Variants in ADAMTSL2 observed in about 807,000 individuals in gnomAD.
The protein encoded by ADAMTSL2 is ADAMTS-like protein 2.
A neutral mutation model predicts 117.0 loss-of-function variants in ADAMTSL2; 55 were observed. That is an observed-to-expected ratio of 0.47 (90% CI 0.38 to 0.59). The LOEUF (loss-of-function observed/expected upper bound fraction) is 0.59, where lower values mean the gene tolerates loss of function less well. Ranked by LOEUF, ADAMTSL2 falls within the 20% of genes least tolerant of loss-of-function variation. The pLI is 0.00. For synonymous variants in ADAMTSL2, 572 were observed against 566.4 expected (o/e 1.01, Z -0.14); for missense variants, 1,182 against 1,354.5 (o/e 0.87, Z 2.00).
At position 133,563,068 on chromosome 9, in the gene ADAMTSL2, G is replaced by T. The variant is rs369391681; in HGVS notation, c.1747+1773G>T. On this transcript the variant is annotated intron_variant, in intron 12 of 18. Coordinates refer to ENST00000651351, the MANE Select transcript of ADAMTSL2 (RefSeq NM_014694.4). Reference sequence around the variant, plus strand: ...TGGTTGACCACACCATGGGCCCTGGGCAAATTGCCAAAGCCTTCCGAGCCA... The same window carrying T: ...TGGTTGACCACACCATGGGCCCTGGTCAAATTGCCAAAGCCTTCCGAGCCA... Among the ~76,000 whole-genome samples the T allele has an allele frequency of 9.6e-3, 1,469 of 152,350 alleles. 27 individuals are homozygous for T. Among genetic ancestry groups the T allele is most frequent in the African/African-American group, 0.033 (1,390 of 41,570 alleles).
Position 133,568,656 on chromosome 9 carries a change from G to T in ADAMTSL2, c.2142G>T (p.Ser714=). ...RSVVTRDIRC[S]EDEKLCDPNT... The stretch of plus-strand genomic sequence containing the variant: ...TGGTGACCAGGGACATCCGCTGCTC[G>T]GAGGATGAGAAGCTGTGTGACCCCA... Residue 714 remains serine, a synonymous_variant, in exon 15 of 19, where the codon TCG becomes TCT. Coordinates refer to ENST00000651351, the MANE Select transcript of ADAMTSL2 (RefSeq NM_014694.4). The T allele has an allele frequency of 6.2e-7, 1 of 1,613,308 alleles. No individual in the cohort carries two copies. The highest frequency in any genetic ancestry group is 8.5e-7 in the Non-Finnish European group (1 of 1,179,944).
intron 9 of ADAMTSL2, among the ~76,000 whole-genome samples, chr9:133,547,875 G>A (rs141366395): frequency 1.3e-5 from 2 of 152,350 alleles, no homozygotes; most frequent in Non-Finnish European, 2.9e-5. Flanking sequence ...GGGAGCGTGG[G>A]CCTGTTATGC....
chr9:133,534,491 A>C, upstream of ADAMTSL2: 8 of 393,162 alleles, frequency 2.0e-5, no homozygotes, highest in Middle Eastern at 6.7e-4. Context: ...GGACCCGGGA[A>C]GAAGGCCTCC....
rs376878612 is a variant in ADAMTSL2, at chr9:133,569,747, G to A, written c.2415+169G>A. On this transcript the variant is annotated intron_variant, in intron 16 of 18. Coordinates refer to ENST00000651351, the MANE Select transcript of ADAMTSL2 (RefSeq NM_014694.4). ...ATTTAGAATACAAAAGGCTTAAAAG[G>A]TAGGAAAACACCTTACAAGTCCCCA... Among the ~76,000 whole-genome samples, 63 of 152,358 alleles carry A rather than the reference G, an allele frequency of 4.1e-4. No individual in the cohort carries two copies. The East Asian group carries it at 0.011, about 28-fold the overall frequency.
At chr9:133,539,560 G>C (rs1035539780) in intron 4 of ADAMTSL2, among the ~76,000 whole-genome samples, 1 of 122,554 alleles carries the variant, frequency 8.2e-6, no homozygotes, top group Non-Finnish European at 1.8e-5. Flanking sequence ...CGTGGGGGGC[G>C]GAGCTGCCCT....
rs1830659861 is a variant in ADAMTSL2 at position 133,558,591 on chromosome 9, A to C, written c.1650-2607A>C. On this transcript the variant is annotated intron_variant, in intron 11 of 18. Transcript: ENST00000651351. This position sits in a 1 kb window ranked among gnomAD's most constrained non-coding sequence, Gnocchi z 4.3. ...GTTTATAAACAAACACGGTGGCTTC[A>C]GAGCTTCTCCTGCCTGGGGAGCCCG... 6.6e-6 allele frequency among the ~76,000 whole-genome samples: 1 copy of C among 152,208 alleles called. No homozygotes were observed. The highest frequency in any genetic ancestry group is 2.4e-5 in the African/African-American group (1 of 41,454).
Position 133,554,576 on chromosome 9 carries a change from G to C in ADAMTSL2, c.1159G>C (p.Gly387Arg), listed in dbSNP as rs751807903. The change falls in exon 10 of 19, where the codon GGC becomes CGC. Residue 387 changes from glycine (G) to arginine (R), a missense_variant. Gly to Arg is a moderately radical substitution (Grantham distance 125). This residue lies in a region of ADAMTSL2 where 345 missense variants were observed against 325.8 expected (regional missense o/e 1.06). Transcript: ENST00000651351. The surrounding 1 kb of genome is among the most constrained non-coding windows in gnomAD (Gnocchi z 5.2). ...ERLGLDNRLF[G>R]HPGLDMELGP... is the part of the protein sequence containing the mutation. ...GCTGGGCCTGGACAACCGGCTGTTC[G>C]GCCACCCGGGCCTGGACATGGAGCT... 3.2e-6 allele frequency: 5 copies of C among 1,546,318 alleles called. No homozygotes were observed. Among genetic ancestry groups the C allele is most frequent in the South Asian group, 1.2e-5 (1 of 84,062 alleles).
chr9:133,537,684 C>T, intron 3 of ADAMTSL2, 137 bp downstream of exon 3: 3 of 1,017,566 alleles, frequency 2.9e-6, no homozygotes, highest in Non-Finnish European at 2.5e-6. Flanking sequence ...AGGCTGAGTC[C>T]CCCCATCAGC....
At chr9:133,555,167 C>T (rs1032833090) in intron 10 of ADAMTSL2, among the ~76,000 whole-genome samples, 6 of 152,076 alleles carry the variant, frequency 3.9e-5, no homozygotes, top group African/African-American at 1.2e-4. Context: ...TCCTCTGTGC[C>T]GGTGTCTCTG....
At chr9:133,536,943 C>A (rs975757675) in intron 2 of ADAMTSL2, 141 bp downstream of exon 2, 3 of 1,398,702 alleles carry the variant, frequency 2.1e-6, no homozygotes, top group African/African-American at 1.4e-5. Flanking sequence ...CTAGAAACTT[C>A]TGCCCAGAGC....
Position 133,570,584 on chromosome 9 carries a change from C to A in ADAMTSL2, c.2592+77C>A, listed in dbSNP as rs113563197. On this transcript the variant is annotated intron_variant, in intron 17 of 18. Transcript: ENST00000651351. The stretch of plus-strand genomic sequence containing the variant: ...CGATCCCGCCCCTCCCGCCTCAAGC[C>A]TCCTTAAGTGCTTCCTGCTCCTCCC... 6.7e-6 allele frequency: 10 copies of A among 1,485,906 alleles called. No individual in the cohort carries two copies. In the African/African-American group the frequency reaches 9.7e-5, roughly 14 times the overall value. 92.0% of individuals were successfully genotyped at this position (1,485,906 alleles called of 1,614,324 possible).
intron 9 of ADAMTSL2, among the ~76,000 whole-genome samples, chr9:133,548,028 C>G (rs1313076596): frequency 7.9e-5 from 12 of 152,398 alleles, no homozygotes; most frequent in Admixed American, 6.5e-4. Flanking sequence ...TGGTGCCCGT[C>G]AAGGCCTGCT....
intron 5 of ADAMTSL2, among the ~76,000 whole-genome samples, 178 bp downstream of exon 5, chr9:133,540,051 C>T (rs1298340916): frequency 2.0e-5 from 3 of 152,178 alleles, no homozygotes; most frequent in South Asian, 4.1e-4. Flanking sequence ...TGTCCCCTCC[C>T]CCATGACCCA....
chr9:133,564,663 A>G (rs1320754320), intron 12 of ADAMTSL2, among the ~76,000 whole-genome samples: 3 of 124,818 alleles, frequency 2.4e-5, no homozygotes, highest in Non-Finnish European at 3.4e-5. Context: ...AGAGGGAGAG[A>G]GAGAGGGAGA....
At position 133,537,554 on chromosome 9, in the gene ADAMTSL2, G is replaced by A. The variant is rs1309971373; in HGVS notation, c.233+7G>A. On this transcript the variant is annotated splice_region_variant and intron_variant, in intron 3 of 18. Transcript: ENST00000651351. ...GGCACTGCCTGCAGCAGAGGTGCGA[G>A]GTTGGGCACGTGGCCCTGAGGGGAT... The A allele has an allele frequency of 1.5e-6, 2 of 1,344,650 alleles. No individual in the cohort carries two copies. The highest frequency in any genetic ancestry group is 1.5e-5 in the African/African-American group (1 of 66,694). The allele number at this position is 1,344,650 out of a possible 1,614,324, so 83.3% of individuals were successfully genotyped here. A position where few individuals can be genotyped will look rare whatever the true frequency, so the allele number is the denominator to read the frequency against.
chr9:133,534,362 C>A, upstream of ADAMTSL2: 1 of 192,080 alleles, frequency 5.2e-6, no homozygotes, highest in East Asian at 1.3e-4. Flanking sequence ...AGGGACAGGG[C>A]CCGCTCTGGA....
rs1588307932 is a variant in ADAMTSL2, at chr9:133,566,966, G to A, written c.1778G>A (p.Arg593His). The change falls in exon 13 of 19, where the codon CGC becomes CAC. Residue 593 changes from arginine (R) to histidine (H), a missense_variant. Around this residue, in one of 3 missense-constraint regions of ADAMTSL2, gnomAD observed 465 missense variants for 565.3 expected, o/e 0.82. Transcript: ENST00000651351. ...GVMSAYAMCV[R>H]YDGVEVDDSY... Reference sequence around the variant, plus strand: ...ATGTCTGCGTACGCCATGTGTGTCCGCTATGATGGCGTCGAGGTGGATGAC... The same window carrying A: ...ATGTCTGCGTACGCCATGTGTGTCCACTATGATGGCGTCGAGGTGGATGAC... The A allele has an allele frequency of 2.5e-6, 4 of 1,610,180 alleles. No homozygotes were observed. Among genetic ancestry groups the A allele is most frequent in the Non-Finnish European group, 2.5e-6 (3 of 1,178,816 alleles).
Position 133,534,823 on chromosome 9 carries a change from AC to A in ADAMTSL2, c.-244del, listed in dbSNP as rs1166264669. ...AGGCCGGGCCGCAGCCTCTGCACTC[AC>A]GCCGCCCCCGCACGCACAGCGCACC... On this transcript the variant is annotated 5_prime_UTR_variant, in exon 1 of 19. An upstream open reading frame in the 5' UTR gains an earlier in-frame stop. Coordinates refer to ENST00000651351, the MANE Select transcript of ADAMTSL2 (RefSeq NM_014694.4). The A allele has an allele frequency of 1.5e-5, 22 of 1,492,872 alleles. No homozygotes were observed. Among genetic ancestry groups the A allele is most frequent in the Non-Finnish European group, 2.0e-5 (22 of 1,117,018 alleles). The allele number at this position is 1,492,872 out of a possible 1,614,324, so 92.5% of individuals were successfully genotyped here.
In ADAMTSL2 at chr9:133,574,783, C is replaced by G. The variant is rs1176466465; in HGVS notation, c.2775C>G (p.Ala925=). 3.1e-6 allele frequency: 5 copies of G among 1,613,668 alleles called. No individual in the cohort carries two copies. In the African/African-American group the frequency reaches 4.0e-5, roughly 13 times the overall value. The change falls in exon 19 of 19, where the codon GCC becomes GCG. Residue 925 remains alanine (A), a synonymous_variant. Transcript: ENST00000651351. ...SCQDQPGTNC[A]LAIKVNLCGH... ...AGGACCAGCCAGGCACCAACTGTGC[C>G]CTGGCCATCAAAGTGAACCTCTGCG...
Sources: allele counts gnomAD v4.1 joint callset (sites outside exome capture counted in the v4.1 genomes callset), GRCh38; gene constraint gnomAD v4.1.1; regional missense constraint gnomAD v4.1.1; non-coding constraint Gnocchi (gnomAD v3.1); transcripts MANE v1.5; gene names NCBI Gene and HGNC (gene_info 2026-07-23, HGNC 2026-07-21).